DPP10: variants seen among roughly 807,000 people sequenced by gnomAD.
DPP10 encodes dipeptidyl peptidase like 10, also known as inactive dipeptidyl peptidase 10.
In DPP10, 33 loss-of-function variants were observed where a neutral mutation model predicts 120.9. The observed-to-expected ratio is 0.27, with a 90% CI of 0.21 to 0.37. The LOEUF (loss-of-function observed/expected upper bound fraction) is 0.37. Ranked by LOEUF, DPP10 falls within the 10% of genes least tolerant of loss-of-function variation. DPP10 has a pLI of 1.00. For missense variants in DPP10, 816 were observed against 942.8 expected, an observed-to-expected ratio of 0.87 and a Z score of 1.76; for synonymous variants, 337 against 326.1, an observed-to-expected ratio of 1.03 and a Z score of -0.36.
chr2:115,013,513 T>C (rs1702409058), intron 1 of DPP10, among the ~76,000 whole-genome samples: 2 of 152,214 alleles, frequency 1.3e-5, no homozygotes, highest in East Asian at 1.9e-4. Flanking sequence ...TGGCATTCTC[T>C]GTATTTCCTG....
Position 115,532,444 on chromosome 2 carries a change from T to C in DPP10, c.441+6472T>C, listed in dbSNP as rs182889576. On this transcript the variant is annotated intron_variant, in intron 5 of 25. Transcript: ENST00000410059. Reference sequence around the variant, plus strand: ...GATTAACTGTGTATTTTCCTATTTATTTGAAATCATATCAACTAATTCCTA... The same window carrying C: ...GATTAACTGTGTATTTTCCTATTTACTTGAAATCATATCAACTAATTCCTA... 1.3e-3 allele frequency among the ~76,000 whole-genome samples: 192 copies of C among 152,226 alleles called. 1 individual carries two copies. The highest frequency in any genetic ancestry group is 4.5e-3 in the African/African-American group (189 of 41,582).
chr2:114,824,605 T>C (rs913519530), intron 1 of DPP10, among the ~76,000 whole-genome samples: 6 of 151,692 alleles, frequency 4.0e-5, no homozygotes, highest in Non-Finnish European at 7.3e-5. Flanking sequence ...CAGAGTTCCA[T>C]GTTAGTTTTT....
intron 1 of DPP10, among the ~76,000 whole-genome samples, chr2:114,594,306 T>A (rs1691709236): frequency 6.6e-6 from 1 of 151,834 alleles, no homozygotes; most frequent in South Asian, 2.1e-4. Flanking sequence ...TCCTTAAGCT[T>A]GCAGACAGCC....
chr2:115,413,027 CTGTCTAACATTAAGTA>C (rs1354092270), intron 3 of DPP10, among the ~76,000 whole-genome samples: 8 of 152,108 alleles, frequency 5.3e-5, no homozygotes, highest in Admixed American at 5.2e-4. Context: ...CTGTTCTGAG[CTGTCTAACATTAAGTA>C]TAATGGCCAA....
chr2:115,705,441 A>G (rs531595948), intron 7 of DPP10, among the ~76,000 whole-genome samples: 7 of 152,068 alleles, frequency 4.6e-5, no homozygotes, highest in Middle Eastern at 3.4e-3. Flanking sequence ...GCTGGTGCCA[A>G]GCACGTTCTG....
At chr2:114,461,015 C>T (rs993576378) in intron 1 of DPP10, among the ~76,000 whole-genome samples, 43 of 152,174 alleles carry the variant, frequency 2.8e-4, no homozygotes, top group Admixed American at 9.2e-4. Context: ...GTTTTGGAAG[C>T]ATTCATAGTA....
At chr2:115,665,399 G>C (rs7593933) in intron 5 of DPP10, among the ~76,000 whole-genome samples, 1 of 151,942 alleles carries the variant, frequency 6.6e-6, no homozygotes, top group African/African-American at 2.4e-5. Context: ...ATGACATTCC[G>C]TTTGGTCTAC....
At chr2:115,723,314 C>G (rs746043316) in intron 7 of DPP10, among the ~76,000 whole-genome samples, 3 of 152,094 alleles carry the variant, frequency 2.0e-5, no homozygotes, top group Non-Finnish European at 2.9e-5. Flanking sequence ...CCGTCGAATT[C>G]TTTGTTGTTT....
At position 114,790,738 on chromosome 2, in the gene DPP10, G is replaced by T. The variant is rs548994146; in HGVS notation, c.60+347900G>T. ...TGAGCCAGGAAAAGAACTTTCACAA[G>T]GTACTGTCATCAGTTAAGGCAAGGA... On this transcript the variant is annotated intron_variant, in intron 1 of 25. Coordinates refer to ENST00000410059, the MANE Select transcript of DPP10 (RefSeq NM_020868.6). Among the ~76,000 whole-genome samples, 5 of 152,260 alleles carry T rather than the reference G, an allele frequency of 3.3e-5. 1 individual carries two copies. Among genetic ancestry groups the T allele is most frequent in the African/African-American group, 1.2e-4 (5 of 41,562 alleles).
chr2:115,220,866 GCTCT>G (rs2057113071), intron 1 of DPP10, among the ~76,000 whole-genome samples: 1 of 150,738 alleles, frequency 6.6e-6, no homozygotes, highest in Admixed American at 6.6e-5. Flanking sequence ...TATACCTTTT[GCTCT>G]CTATTTCATA....
intron 1 of DPP10, among the ~76,000 whole-genome samples, chr2:115,281,816 A>G (rs1448622678): frequency 6.6e-6 from 1 of 152,142 alleles, no homozygotes; most frequent in Non-Finnish European, 1.5e-5. Flanking sequence ...CGTGCAGAAA[A>G]CTATTGCTGT....
At chr2:115,030,548 C>A (rs898900584) in intron 1 of DPP10, among the ~76,000 whole-genome samples, 4 of 152,020 alleles carry the variant, frequency 2.6e-5, no homozygotes, top group Admixed American at 2.6e-4. Flanking sequence ...TAAATGTGTG[C>A]CATGGTGGTT....
chr2:115,153,282 C>T lies in DPP10; in HGVS notation c.61-155957C>T, dbSNP rs2051686200. ...TAAGAAATGCAGAAATATGAGGGAC[C>T]AATTTCCTGTTGGGAAAGGGGCTCC... On this transcript the variant is annotated intron_variant, in intron 1 of 25. Coordinates refer to ENST00000410059, the MANE Select transcript of DPP10 (RefSeq NM_020868.6). Among the ~76,000 whole-genome samples the T allele has an allele frequency of 2.6e-5, 4 of 152,062 alleles. 1 individual carries two copies. Among genetic ancestry groups the T allele is most frequent in the Admixed American group, 2.6e-4 (4 of 15,258 alleles).
At chr2:115,355,657 T>C (rs1023086653) in intron 3 of DPP10, among the ~76,000 whole-genome samples, 3 of 152,224 alleles carry the variant, frequency 2.0e-5, no homozygotes, top group African/African-American at 7.2e-5. Flanking sequence ...TGATACTGCC[T>C]AGGTTTTCGT....
chr2:115,653,826 A>G (rs1401747002), intron 5 of DPP10, among the ~76,000 whole-genome samples: 1 of 151,914 alleles, frequency 6.6e-6, no homozygotes, highest in Admixed American at 6.6e-5. Context: ...CAATCCCTGT[A>G]GAGGATATCT....
chr2:115,181,013 G>A (rs13386463), intron 1 of DPP10, among the ~76,000 whole-genome samples: 75,545 of 151,604 alleles, frequency 0.5, 19,401 homozygotes, highest in East Asian at 0.75. Flanking sequence ...GTCACTTAGT[G>A]AACACATCTC....
chr2:114,910,713 T>C, intron 1 of DPP10, among the ~76,000 whole-genome samples: 1 of 152,104 alleles, frequency 6.6e-6, no homozygotes, highest in Non-Finnish European at 1.5e-5. Flanking sequence ...GCATAAGAAA[T>C]CTGGAGCAAC....
intron 1 of DPP10, among the ~76,000 whole-genome samples, chr2:114,711,861 A>G (rs2105868076): frequency 1.3e-5 from 2 of 152,348 alleles, no homozygotes; most frequent in Middle Eastern, 6.8e-3. Context: ...ATCTGGAATA[A>G]TTAACTTCAT....
At chr2:114,608,921 AAACT>A in intron 1 of DPP10, among the ~76,000 whole-genome samples, 1 of 152,132 alleles carries the variant, frequency 6.6e-6, no homozygotes. Context: ...AAGGGTTGAA[AAACT>A]AACTATTGGG....
Sources: gnomAD v4.1 joint callset for allele counts (sites outside exome capture counted in the v4.1 genomes callset) on GRCh38, gnomAD v4.1.1 for gene constraint, MANE v1.5 for transcripts, NCBI Gene and HGNC (gene_info 2026-07-23, HGNC 2026-07-21) for gene names.